FSD2: variants seen among roughly 807,000 people sequenced by gnomAD.
The protein encoded by FSD2 is fibronectin type III and SPRY domain containing 2, also known as fibronectin type III and SPRY domain-containing protein 2.
FSD2 carries 71 observed loss-of-function variants against 80.4 expected under a neutral mutation model. That is an observed-to-expected ratio of 0.88 (90% CI 0.73 to 1.08). The LOEUF (loss-of-function observed/expected upper bound fraction) is 1.08, where lower values mean the gene tolerates loss of function less well. Among genes scored for constraint, FSD2 ranks in the 50% least tolerant of loss-of-function variants. The pLI, the probability that FSD2 is intolerant of heterozygous loss-of-function variation, is 0.00. For synonymous variants in FSD2, 361 were observed against 329.5 expected (o/e 1.10, Z -1.03); for missense variants, 923 against 913.8 (o/e 1.01, Z -0.13).
chr15:82,791,007 T>C (rs2050136382), intron 1 of FSD2, among the ~76,000 whole-genome samples: 1 of 151,968 alleles, frequency 6.6e-6, no homozygotes. Flanking sequence ...TTGTTGTTGT[T>C]GCTTTTTTTG....
chr15:82,796,775 C>G (rs1490585848), intron 1 of FSD2, among the ~76,000 whole-genome samples: 1 of 152,094 alleles, frequency 6.6e-6, no homozygotes, highest in Non-Finnish European at 1.5e-5. Context: ...GCTATGGAAT[C>G]TGTATGCGAA....
intron 11 of FSD2, among the ~76,000 whole-genome samples, chr15:82,762,903 T>A (rs1487896857): frequency 6.6e-6 from 1 of 152,222 alleles, no homozygotes; most frequent in East Asian, 1.9e-4. Context: ...TATACTGGTA[T>A]CTCCAAAGTG....
Position 82,786,870 on chromosome 15 carries a change from T to A in FSD2, c.521A>T (p.Glu174Val). The change falls in exon 2 of 13, where the codon GAA becomes GTA. Residue 174 changes from glutamate to valine, a missense_variant. Glu to Val is a moderately radical substitution (Grantham distance 121). Transcript: ENST00000334574. ...AGTGACACAGAAGACATCAGCAGCTTCTTCTTCATCCTCTTCCTCGGGGAT... is the reference window on the plus strand; with the variant it reads ...AGTGACACAGAAGACATCAGCAGCTACTTCTTCATCCTCTTCCTCGGGGAT... ...YVIPEEEDEEEAADVFCVTCK... is the reference protein window; with the variant it reads ...YVIPEEEDEEVAADVFCVTCK... 2 of 1,607,050 alleles carry A rather than the reference T, an allele frequency of 1.2e-6. No individual in the cohort carries two copies. The highest frequency in any genetic ancestry group is 1.7e-6 in the Non-Finnish European group (2 of 1,173,624).
intron 12 of FSD2, among the ~76,000 whole-genome samples, chr15:82,760,153 A>G (rs1215229443): frequency 1.3e-5 from 2 of 152,184 alleles, no homozygotes; most frequent in South Asian, 2.1e-4. Context: ...AAATTTACCT[A>G]TAGCATCCTG....
rs551520820 is a variant in FSD2 at position 82,757,534 on chromosome 15, G to T, written c.*1814C>A. 1.3e-5 allele frequency: 2 copies of T among 151,682 alleles called. No individual in the cohort carries two copies. Among genetic ancestry groups the T allele is most frequent in the East Asian group, 1.9e-4 (1 of 5,170 alleles). The allele number at this position is 151,682 out of a possible 1,614,324, so 9.4% of individuals were successfully genotyped here. A position where few individuals can be genotyped will look rare whatever the true frequency, so the allele number is the denominator to read the frequency against. Reference sequence around the variant, plus strand: ...TTTTTAGTAGAGACGGGGTTTCACCGTATTAGCCAGGATGGTCTCGATCTC... The same window carrying T: ...TTTTTAGTAGAGACGGGGTTTCACCTTATTAGCCAGGATGGTCTCGATCTC... On this transcript the variant is annotated 3_prime_UTR_variant, in exon 13 of 13. Coordinates refer to ENST00000334574, the MANE Select transcript of FSD2 (RefSeq NM_001007122.4).
chr15:82,804,338 C>T (rs770126284), intron 1 of FSD2, among the ~76,000 whole-genome samples: 13 of 152,090 alleles, frequency 8.5e-5, no homozygotes, highest in Non-Finnish European at 1.3e-4. Flanking sequence ...AATTCAATTT[C>T]CTGATTTTAT....
At chr15:82,771,209 C>T (rs2049562333) in intron 7 of FSD2, among the ~76,000 whole-genome samples, 1 of 152,230 alleles carries the variant, frequency 6.6e-6, no homozygotes, top group South Asian at 2.1e-4. Context: ...CGCCTACACA[C>T]CTGATTCACG....
chr15:82,762,359 ATCAG>A (rs2049313160), intron 11 of FSD2, 81 bp from the exon 12 acceptor site: 5 of 1,406,216 alleles, frequency 3.6e-6, no homozygotes, highest in Non-Finnish European at 4.9e-6. Context: ...AGTTGCTGGG[ATCAG>A]TCAGTCGGTG....
chr15:82,790,868 A>G (rs559715811), intron 1 of FSD2, among the ~76,000 whole-genome samples: 22 of 150,926 alleles, frequency 1.5e-4, no homozygotes, highest in African/African-American at 5.1e-4. Flanking sequence ...TACAGGTGTG[A>G]GCCACCACGC....
intron 3 of FSD2, 130 bp from the exon 4 acceptor site, chr15:82,783,155 G>A: frequency 1.5e-6 from 1 of 676,360 alleles, no homozygotes; most frequent in Non-Finnish European, 2.5e-6. Context: ...CTGGAGTACA[G>A]TAGTGTGATC....
At chr15:82,769,923 T>C (rs1330545793) in intron 7 of FSD2, 39 bp from the exon 8 acceptor site, 5 of 1,608,820 alleles carry the variant, frequency 3.1e-6, no homozygotes, top group Non-Finnish European at 3.4e-6. Context: ...CCCTAAAAAC[T>C]GGCCAAGTGG....
At chr15:82,802,158 G>A (rs1265201204) in intron 1 of FSD2, among the ~76,000 whole-genome samples, 1 of 152,166 alleles carries the variant, frequency 6.6e-6, no homozygotes, top group African/African-American at 2.4e-5. Context: ...CTGGAGAAGT[G>A]TGGCTTCAAG....
Position 82,759,268 on chromosome 15 carries a change from T to G in FSD2, c.*80A>C. ...TTGTGCTGGGCACATGGTGCTTAAG[T>G]GCCAGGTTCAGCCAGCTAAGGCGTG... On this transcript the variant is annotated 3_prime_UTR_variant, in exon 13 of 13. Transcript: ENST00000334574. 1 of 1,474,642 alleles carries G rather than the reference T, an allele frequency of 6.8e-7. No homozygotes were observed. Among genetic ancestry groups the G allele is most frequent in the East Asian group, 2.3e-5 (1 of 43,428 alleles). 91.3% of individuals were successfully genotyped at this position (1,474,642 alleles called of 1,614,324 possible).
intron 6 of FSD2, among the ~76,000 whole-genome samples, chr15:82,775,757 A>T (rs570852269): frequency 6.6e-6 from 1 of 152,164 alleles, no homozygotes; most frequent in South Asian, 2.1e-4. Flanking sequence ...TTTCTTTTTA[A>T]TGTAGGCGCT....
rs1429382778 is a variant in FSD2, at chr15:82,786,802, G to C, written c.589C>G (p.His197Asp). The C allele has an allele frequency of 2.5e-6, 4 of 1,613,880 alleles. No homozygotes were observed. In the African/African-American group the frequency reaches 4.0e-5, roughly 16 times the overall value. ...AGTGGGATCACTTCATGCTCCTTATGTTCATCAAAAACCTTCTGAAAAGCT... is the reference window on the plus strand; with the variant it reads ...AGTGGGATCACTTCATGCTCCTTATCTTCATCAAAAACCTTCTGAAAAGCT... ...IRAFQKVFDEHKEHEVIPLNE... is the reference protein window; with the variant it reads ...IRAFQKVFDEDKEHEVIPLNE... Residue 197 changes from histidine (H) to aspartate (D), a missense_variant, in exon 2 of 13, where the codon CAT becomes GAT. Physicochemically the swap from His to Asp is moderately conservative, Grantham distance 81. Transcript: ENST00000334574.
At chr15:82,768,831 G>A in intron 9 of FSD2, 49 bp downstream of exon 9, 2 of 1,376,724 alleles carry the variant, frequency 1.5e-6, no homozygotes, top group Non-Finnish European at 1.9e-6. Flanking sequence ...CCATGTCACT[G>A]TATCAGGTGT....
At chr15:82,772,295 C>T (rs563354783) in intron 6 of FSD2, 67 bp from the exon 7 acceptor site, 2 of 1,478,936 alleles carry the variant, frequency 1.4e-6, no homozygotes, top group South Asian at 1.2e-5. Context: ...TGGCCCCTTT[C>T]CCATGACCAT....
chr15:82,763,879 C>T (rs1223286253), intron 11 of FSD2, among the ~76,000 whole-genome samples: 2 of 152,182 alleles, frequency 1.3e-5, no homozygotes, highest in Non-Finnish European at 2.9e-5. Flanking sequence ...CACCTCTTCC[C>T]GTCATGGATC....
rs989289995 is a variant in FSD2, at chr15:82,764,459, A to T, written c.1820+707T>A. Reference sequence around the variant, plus strand: ...GTGGAGTGTGCTTTCGTTTTCAATAAATCTCTGCTCTTGTTGCTTCATTCT... The same window carrying T: ...GTGGAGTGTGCTTTCGTTTTCAATATATCTCTGCTCTTGTTGCTTCATTCT... On this transcript the variant is annotated intron_variant, in intron 11 of 12. Transcript: ENST00000334574. 2.1e-5 allele frequency among the ~76,000 whole-genome samples: 3 copies of T among 144,742 alleles called. No individual in the cohort carries two copies. The East Asian group carries it at 6.0e-4, about 29-fold the overall frequency. The allele number at this position is 144,742 out of a possible 152,430, so 95.0% of individuals were successfully genotyped here.
Sources: allele counts gnomAD v4.1 joint callset (sites outside exome capture counted in the v4.1 genomes callset), GRCh38; gene constraint gnomAD v4.1.1; transcripts MANE v1.5; gene names NCBI Gene and HGNC (gene_info 2026-07-23, HGNC 2026-07-21).